TMC3: variants seen among roughly 807,000 people sequenced by gnomAD.
TMC3 encodes the protein transmembrane channel-like protein 3.
Under a neutral mutation model 110.6 loss-of-function variants are expected in TMC3, and 98 were observed. The observed-to-expected ratio is 0.89, with a 90% CI of 0.75 to 1.05. The LOEUF is 1.05. TMC3 is among the 50% of genes least tolerant of loss of function. TMC3 has a pLI of 0.00. For synonymous variants in TMC3, 489 were observed against 513.1 expected (o/e 0.95, Z 0.63); for missense variants, 1,319 against 1,373.2 (o/e 0.96, Z 0.62).
At position 81,341,381 on chromosome 15, in the gene TMC3, C is replaced by T; in HGVS notation, c.1844+9G>A. ...GTTATCTGCATGATCAGATCTTATT[C>T]TTACTCACCTTGAGGCTCGAAATAC... On this transcript the variant is annotated intron_variant, in intron 16 of 21. Coordinates refer to ENST00000359440, the MANE Select transcript of TMC3 (RefSeq NM_001080532.3). 1 of 1,606,506 alleles carries T rather than the reference C, an allele frequency of 6.2e-7. No homozygotes were observed. The highest frequency in any genetic ancestry group is 8.5e-7 in the Non-Finnish European group (1 of 1,176,122).
chr15:81,353,593 G>T (rs1417158045), intron 9 of TMC3, among the ~76,000 whole-genome samples: 1 of 152,142 alleles, frequency 6.6e-6, no homozygotes, highest in African/African-American at 2.4e-5. Context: ...ATTGCCTACG[G>T]TATTTAATAC....
intron 3 of TMC3, among the ~76,000 whole-genome samples, chr15:81,364,346 A>C (rs1025537580): frequency 6.6e-6 from 1 of 152,180 alleles, no homozygotes; most frequent in African/African-American, 2.4e-5. Context: ...TGACGTGTTC[A>C]GTAAGGCATG....
intron 9 of TMC3, among the ~76,000 whole-genome samples, chr15:81,353,276 A>G (rs1293706610): frequency 2.0e-5 from 3 of 152,222 alleles, no homozygotes; most frequent in African/African-American, 7.2e-5. Context: ...TTAAAATTTA[A>G]AAGTTCATAA....
At chr15:81,333,500 C>T (rs1460438017) in intron 21 of TMC3, among the ~76,000 whole-genome samples, 1 of 152,182 alleles carries the variant, frequency 6.6e-6, no homozygotes, top group East Asian at 1.9e-4. Context: ...ATGAAGACTG[C>T]AGAGCGAGGG....
chr15:81,358,516 A>C lies in TMC3; in HGVS notation c.502-16T>G, dbSNP rs764878193. On this transcript the variant is annotated splice_polypyrimidine_tract_variant and intron_variant, in intron 5 of 21. Coordinates refer to ENST00000359440, the MANE Select transcript of TMC3 (RefSeq NM_001080532.3). ...CTGCAATCAGCTGGTGAGAGAAGAA[A>C]GCATGTCATGTGGTCCTCTGGGTGG... The C allele has an allele frequency of 2.5e-6, 4 of 1,597,062 alleles. No individual in the cohort carries two copies. The highest frequency in any genetic ancestry group is 2.6e-6 in the Non-Finnish European group (3 of 1,171,048).
intron 8 of TMC3, among the ~76,000 whole-genome samples, 193 bp from the exon 9 acceptor site, chr15:81,355,961 G>A (rs1567066822): frequency 6.6e-6 from 1 of 152,100 alleles, no homozygotes; most frequent in Non-Finnish European, 1.5e-5. Context: ...TGGGAAGAGG[G>A]ATTGGGAGAT....
rs1189646053 is a variant in TMC3, at chr15:81,331,976, C to G, written c.*443G>C. 1 of 156,294 alleles carries G rather than the reference C, an allele frequency of 6.4e-6. No homozygotes were observed. The highest frequency in any genetic ancestry group is 1.9e-4 in the East Asian group (1 of 5,266). 9.7% of individuals were successfully genotyped at this position (156,294 alleles called of 1,614,324 possible). On this transcript the variant is annotated 3_prime_UTR_variant, in exon 22 of 22. Transcript: ENST00000359440. ...ACGTGTAAAACCCCAAGTCAAAGGT[C>G]AAACAGTGCACTGGATCTCTCAAGT... is the stretch of plus-strand genomic sequence containing the variant.
At chr15:81,352,127 C>CA (rs1893965610) in intron 9 of TMC3, among the ~76,000 whole-genome samples, 1 of 152,150 alleles carries the variant, frequency 6.6e-6, no homozygotes, top group Non-Finnish European at 1.5e-5. Flanking sequence ...ATTTGGGGTT[C>CA]AGTTCTAGCT....
intron 7 of TMC3, 142 bp downstream of exon 7, chr15:81,358,007 A>T: frequency 9.5e-7 from 1 of 1,049,056 alleles, no homozygotes; most frequent in Non-Finnish European, 1.3e-6. Flanking sequence ...AGATGACATT[A>T]CACATATCAT....
At position 81,344,879 on chromosome 15, in the gene TMC3, C is replaced by T. The variant is rs1305746860; in HGVS notation, c.1405G>A (p.Ala469Thr). The part of the protein sequence containing the change: ...GMGLRRNNTW[A>T]LEETSISAYT... ...GCTGAAATGCTGGTCTCTTCCAAGGCCCATGTGTTGTTTCTCCTGAGCCCC... is the reference window on the plus strand; with the variant it reads ...GCTGAAATGCTGGTCTCTTCCAAGGTCCATGTGTTGTTTCTCCTGAGCCCC... The change falls in exon 13 of 22, where the codon GCC becomes ACC. Residue 469 changes from alanine to threonine, a missense_variant. Physicochemically the swap from Ala to Thr is moderately conservative, Grantham distance 58. Transcript: ENST00000359440. The T allele has an allele frequency of 1.9e-6, 3 of 1,613,862 alleles. No individual in the cohort carries two copies. Among genetic ancestry groups the T allele is most frequent in the Non-Finnish European group, 2.5e-6 (3 of 1,179,902 alleles).
intron 9 of TMC3, among the ~76,000 whole-genome samples, chr15:81,353,583 A>G (rs181326871): frequency 6.6e-6 from 1 of 152,342 alleles, no homozygotes; most frequent in Non-Finnish European, 1.5e-5. Flanking sequence ...TTGTGTTACA[A>G]TTGCCTACGG....
intron 2 of TMC3, among the ~76,000 whole-genome samples, chr15:81,370,770 G>A (rs566001368): frequency 6.6e-6 from 1 of 151,602 alleles, no homozygotes; most frequent in East Asian, 1.9e-4. Flanking sequence ...TTCCTCCCGG[G>A]TTCAAGCAAT....
chr15:81,367,677 G>A (rs949071925), intron 3 of TMC3, among the ~76,000 whole-genome samples: 5 of 152,154 alleles, frequency 3.3e-5, no homozygotes, highest in Non-Finnish European at 7.3e-5. Context: ...ACTCAGGAAA[G>A]GTGCTAGATC....
rs761390597 is a variant in TMC3, at chr15:81,356,525, C to T, written c.813G>A (p.Val271=). 8 of 1,573,732 alleles carry T rather than the reference C, an allele frequency of 5.1e-6. No homozygotes were observed. In the Admixed American group the frequency reaches 9.2e-5, roughly 18 times the overall value. The stretch of plus-strand genomic sequence containing the variant: ...CAATGAGGTAATCCCAGGCACAGAA[C>T]ACCCGCCAGCAGAAGGTATAGTTTT... ...SNENYTFCWR[V]FCAWDYLIGN... The change falls in exon 8 of 22, where the codon GTG becomes GTA. Residue 271 remains valine (V), a synonymous_variant. Transcript: ENST00000359440.
At chr15:81,350,347 C>G (rs1479137281) in intron 10 of TMC3, among the ~76,000 whole-genome samples, 1 of 152,138 alleles carries the variant, frequency 6.6e-6, no homozygotes, top group Non-Finnish European at 1.5e-5. Flanking sequence ...GCAACTATTA[C>G]CAATAGAAAA....
chr15:81,340,673 G>A (rs1375102490), intron 16 of TMC3, among the ~76,000 whole-genome samples: 2 of 152,174 alleles, frequency 1.3e-5, no homozygotes, highest in African/African-American at 2.4e-5. Context: ...GTAAAATGGG[G>A]TGTTCATTTT....
intron 19 of TMC3, chr15:81,337,561 T>G (rs1239755908): frequency 3.8e-6 from 2 of 521,398 alleles, no homozygotes; most frequent in East Asian, 6.8e-5. Context: ...CACTGAGGGC[T>G]TGGTGTGGTC....
intron 19 of TMC3, among the ~76,000 whole-genome samples, 199 bp from the exon 20 acceptor site, chr15:81,336,850 C>T (rs1003016085): frequency 6.6e-6 from 1 of 152,108 alleles, no homozygotes; most frequent in African/African-American, 2.4e-5. Context: ...TACCTGAGAG[C>T]TGAAGTTTTA....
At chr15:81,339,852 C>T (rs1893676108) in intron 16 of TMC3, among the ~76,000 whole-genome samples, 2 of 152,238 alleles carry the variant, frequency 1.3e-5, no homozygotes, top group African/African-American at 4.8e-5. Context: ...AAGCATTGCC[C>T]ATCCATCTGG....
Sources: allele counts gnomAD v4.1 joint callset (sites outside exome capture counted in the v4.1 genomes callset), GRCh38; gene constraint gnomAD v4.1.1; transcripts MANE v1.5; gene names NCBI Gene and HGNC (gene_info 2026-07-23, HGNC 2026-07-21).